HS6ST2: variants seen among roughly 807,000 people sequenced by gnomAD.
HS6ST2 encodes the protein heparan sulfate 6-O-sulfotransferase 2, also known as heparan-sulfate 6-O-sulfotransferase 2.
In HS6ST2, 17 loss-of-function variants were observed where a neutral mutation model predicts 33.0. The ratio of observed to expected loss-of-function variants is 0.52; its 90% CI spans 0.35 to 0.77. HS6ST2 has a LOEUF of 0.77. Among genes scored for constraint, HS6ST2 ranks in the 30% least tolerant of loss-of-function variants. The probability of loss-of-function intolerance (pLI) is 0.01; values close to 1 mark genes in which losing one functional copy is unlikely to be tolerated. For missense variants in HS6ST2, 519 were observed against 551.7 expected (o/e 0.94, Z 0.59); for synonymous variants, 248 against 237.1 (o/e 1.05, Z -0.42).
chrX:132,854,101 G>C (rs1245986082), intron 2 of HS6ST2, among the ~76,000 whole-genome samples: 1 of 111,418 alleles, frequency 9.0e-6, no homozygotes, highest in African/African-American at 3.3e-5. Flanking sequence ...TTTGGAAAAA[G>C]GACCAGCAGA....
intron 4 of HS6ST2, among the ~76,000 whole-genome samples, chrX:132,643,647 G>A (rs758592671): frequency 4.5e-5 from 5 of 111,408 alleles, no homozygotes; most frequent in Non-Finnish European, 9.4e-5. Context: ...CCAAAACCAA[G>A]TCTCTGACTC....
intron 2 of HS6ST2, among the ~76,000 whole-genome samples, chrX:132,797,998 A>T (rs1240695916): frequency 1.2e-5 from 1 of 83,468 alleles, no homozygotes; most frequent in Admixed American, 1.4e-4. Context: ...GGGCAACAGA[A>T]TGAGACTTTG....
At chrX:132,773,045 A>G (rs1327095629) in intron 2 of HS6ST2, among the ~76,000 whole-genome samples, 1 of 93,539 alleles carries the variant, frequency 1.1e-5, no homozygotes, top group Non-Finnish European at 2.0e-5. Context: ...ATGTTTATAT[A>G]TTATAATGTA....
intron 2 of HS6ST2, among the ~76,000 whole-genome samples, chrX:132,866,318 G>C (rs1236532470): frequency 9.4e-6 from 1 of 106,140 alleles, no homozygotes; most frequent in Non-Finnish European, 1.9e-5. Flanking sequence ...TGAGGGCTCT[G>C]TTCTGTTCCA....
At chrX:132,873,472 G>A (rs1602786341) in intron 2 of HS6ST2, among the ~76,000 whole-genome samples, 1 of 111,866 alleles carries the variant, frequency 8.9e-6, no homozygotes, top group Non-Finnish European at 1.9e-5. Flanking sequence ...CCAGCATTTG[G>A]TTTGAGAATT....
At chrX:132,917,052 G>T (rs758057910) in intron 2 of HS6ST2, among the ~76,000 whole-genome samples, 11 of 111,689 alleles carry the variant, frequency 9.8e-5, no homozygotes, top group Non-Finnish European at 2.1e-4. Flanking sequence ...TAATATTCCT[G>T]AAATGCCAGT....
At chrX:132,629,723 G>A (rs1176465722) in intron 4 of HS6ST2, among the ~76,000 whole-genome samples, 2 of 112,245 alleles carry the variant, frequency 1.8e-5, no homozygotes, top group African/African-American at 3.2e-5. Context: ...GAAGTGGAAT[G>A]TAGAGATAGG....
chrX:132,919,760 C>G (rs2066631895), intron 2 of HS6ST2, among the ~76,000 whole-genome samples: 1 of 111,964 alleles, frequency 8.9e-6, no homozygotes, highest in African/African-American at 3.2e-5. Context: ...TGTGATTGTT[C>G]TGTTGCCATT....
intron 2 of HS6ST2, among the ~76,000 whole-genome samples, chrX:132,917,703 T>C (rs1008529778): frequency 2.7e-5 from 3 of 111,946 alleles, no homozygotes; most frequent in African/African-American, 9.7e-5. Context: ...CACCTTTACA[T>C]GGTTGGAAAT....
intron 2 of HS6ST2, among the ~76,000 whole-genome samples, chrX:132,879,576 A>C (rs903629632): frequency 1.8e-5 from 2 of 112,246 alleles, no homozygotes; most frequent in African/African-American, 6.5e-5. Context: ...AAGGAAGCAC[A>C]GGGTTTCTCT....
chrX:132,723,167 A>T (rs2064352978), intron 2 of HS6ST2, among the ~76,000 whole-genome samples: 1 of 111,737 alleles, frequency 8.9e-6, no homozygotes, highest in African/African-American at 3.3e-5. Context: ...GCAAGTCATG[A>T]GATCAAAGCT....
At chrX:132,632,506 G>A (rs1177533457) in intron 4 of HS6ST2, among the ~76,000 whole-genome samples, 3 of 110,286 alleles carry the variant, frequency 2.7e-5, no homozygotes, top group East Asian at 2.9e-4. Flanking sequence ...AGCTGGGGTC[G>A]GGGGCAAACA....
chrX:132,877,697 A>G lies in HS6ST2; in HGVS notation c.947+79111T>C, dbSNP rs529449894. On this transcript the variant is annotated intron_variant, in intron 2 of 4. Coordinates refer to ENST00000370833, the MANE Select transcript of HS6ST2 (RefSeq NM_001394073.1). ...AACTATGTAAGACACTGTAGGATCG[A>G]ATCCAAACTGTGTACTTGCTTTTCT... Among the ~76,000 whole-genome samples, 102 of 111,506 alleles carry G rather than the reference A, an allele frequency of 9.1e-4. 1 individual carries two copies. The highest frequency in any genetic ancestry group is 8.8e-3 in the South Asian group (23 of 2,623).
chrX:132,958,587 A>C lies in HS6ST2; in HGVS notation c.16T>G (p.Cys6Gly), dbSNP rs1199392308. 8.5e-7 allele frequency: 1 copy of C among 1,174,120 alleles called. No individual in the cohort carries two copies. The highest frequency in any genetic ancestry group is 1.8e-5 in the African/African-American group (1 of 56,454). Residue 6 changes from cysteine (C) to glycine (G), a missense_variant, in exon 1 of 5, where the codon TGT becomes GGT. Coordinates refer to ENST00000370833, the MANE Select transcript of HS6ST2 (RefSeq NM_001394073.1). ...GGCGGCTCGAACTCCCGGACTGCAC[A>C]CGCAGGCAGTGCCATTCCCCCCTTC... The part of the protein sequence containing the change: MALPA[C>G]AVREFEPPRQ...
chrX:132,687,998 C>T (rs1441551385), intron 3 of HS6ST2, among the ~76,000 whole-genome samples: 1 of 112,347 alleles, frequency 8.9e-6, no homozygotes, highest in Non-Finnish European at 1.9e-5. Flanking sequence ...ATCCACCCGC[C>T]TCGGCCTCCC....
At chrX:132,901,274 A>T (rs1238135199) in intron 2 of HS6ST2, among the ~76,000 whole-genome samples, 1 of 111,880 alleles carries the variant, frequency 8.9e-6, no homozygotes, top group Non-Finnish European at 1.9e-5. Flanking sequence ...TTAGATAATA[A>T]ATGTTTGTTG....
chrX:132,940,493 C>G (rs1027969889), intron 2 of HS6ST2, among the ~76,000 whole-genome samples: 4 of 111,560 alleles, frequency 3.6e-5, no homozygotes, highest in Admixed American at 1.9e-4. Flanking sequence ...GAAGCAACAA[C>G]CACTGAATGG....
intron 3 of HS6ST2, among the ~76,000 whole-genome samples, chrX:132,698,592 G>A (rs2064119995): frequency 9.0e-6 from 1 of 111,131 alleles, no homozygotes; most frequent in Non-Finnish European, 1.9e-5. Context: ...CCTCATTTGG[G>A]GGCAAAACTT....
At chrX:132,839,272 G>GTATATATATATA (rs748319681) in intron 2 of HS6ST2, among the ~76,000 whole-genome samples, 13 of 62,780 alleles carry the variant, frequency 2.1e-4, no homozygotes, top group Non-Finnish European at 2.6e-4. Context: ...TGTAGTGTGT[G>GTATATATATATA]TATATATATA....
Sources: gnomAD v4.1 joint callset for allele counts (sites outside exome capture counted in the v4.1 genomes callset) on GRCh38, gnomAD v4.1.1 for gene constraint, MANE v1.5 for transcripts, NCBI Gene and HGNC (gene_info 2026-07-23, HGNC 2026-07-21) for gene names.